The following DENND6A variants were observed in gnomAD, a reference collection of about 807,000 sequenced individuals.
DENND6A encodes the protein DENN domain containing 6A, also known as protein DENND6A.
A neutral mutation model predicts 95.5 loss-of-function variants in DENND6A; 43 were observed. The ratio of observed to expected loss-of-function variants is 0.45; its 90% confidence interval spans 0.35 to 0.58. DENND6A has a LOEUF of 0.58. Ranked by LOEUF, DENND6A falls within the 20% of genes least tolerant of loss-of-function variation. The probability of loss-of-function intolerance (pLI) is 0.00; values close to 1 mark genes in which losing one functional copy is unlikely to be tolerated. For synonymous variants in DENND6A, 257 were observed against 260.4 expected (o/e 0.99, Z 0.13); for missense variants, 574 against 736.0 (o/e 0.78, Z 2.55).
chr3:57,679,033 G>A (rs1483575824), intron 1 of DENND6A, among the ~76,000 whole-genome samples: 1 of 152,246 alleles, frequency 6.6e-6, no homozygotes, highest in Non-Finnish European at 1.5e-5. Context: ...GAATCCAGAA[G>A]GTGGAGGTTG....
intron 1 of DENND6A, among the ~76,000 whole-genome samples, chr3:57,691,788 A>G (rs1237670448): frequency 6.6e-6 from 1 of 152,090 alleles, no homozygotes; most frequent in East Asian, 1.9e-4. Flanking sequence ...GACCTTCAAC[A>G]ACGTCAAGAA....
intron 9 of DENND6A, among the ~76,000 whole-genome samples, chr3:57,655,725 T>C (rs1168438823): frequency 1.3e-5 from 2 of 152,360 alleles, no homozygotes; most frequent in East Asian, 1.9e-4. Context: ...TATCTCATTA[T>C]GTATATGCAA....
At position 57,637,013 on chromosome 3, in the gene DENND6A, C is replaced by A. The variant is rs193078469; in HGVS notation, c.1133-2244G>T. 4.9e-3 allele frequency among the ~76,000 whole-genome samples: 740 copies of A among 150,832 alleles called. 5 individuals carry two copies. Among genetic ancestry groups the A allele is most frequent in the African/African-American group, 0.017 (704 of 41,110 alleles). ...TTGAGTAAAAAGTTAAATACAGAAG[C>A]ATGAACATGTTGCTCAAAGAGTTGC... On this transcript the variant is annotated intron_variant, in intron 12 of 19. Coordinates refer to ENST00000311128, the MANE Select transcript of DENND6A (RefSeq NM_152678.3).
rs1461482176 is a variant in DENND6A at position 57,631,126 on chromosome 3, T to C, written c.1354-148A>G. 4 of 640,080 alleles carry C rather than the reference T, an allele frequency of 6.2e-6. No individual in the cohort carries two copies. In the East Asian group the frequency reaches 8.3e-5, roughly 13 times the overall value. 39.7% of individuals were successfully genotyped at this position (640,080 alleles called of 1,614,324 possible). A position where few individuals can be genotyped will look rare whatever the true frequency, so the allele number is the denominator to read the frequency against. On this transcript the variant is annotated intron_variant, in intron 15 of 19. Coordinates refer to ENST00000311128, the MANE Select transcript of DENND6A (RefSeq NM_152678.3). ...CATCACTCCCCACAAGAGATATAGC[T>C]AAATTTAGACTGACTTGGGAAGTCA...
chr3:57,628,391 G>C, intron 19 of DENND6A, 46 bp from the exon 20 acceptor site: 12 of 1,587,544 alleles, frequency 7.6e-6, no homozygotes, highest in Non-Finnish European at 1.0e-5. Context: ...CTCAGAATCT[G>C]TATTAATACA....
chr3:57,628,020 C>T lies in DENND6A; in HGVS notation c.*194G>A. Reference sequence around the variant, plus strand: ...GTGTTTCAGTATTAAAGTGGAACCACCACAGATATCCACTTTAAAAAGTAA... The same window carrying T: ...GTGTTTCAGTATTAAAGTGGAACCATCACAGATATCCACTTTAAAAAGTAA... On this transcript the variant is annotated 3_prime_UTR_variant, in exon 20 of 20. Transcript: ENST00000311128. The T allele has an allele frequency of 3.1e-6, 2 of 646,146 alleles. No homozygotes were observed. Among genetic ancestry groups the T allele is most frequent in the South Asian group, 5.8e-5 (2 of 34,382 alleles). The allele number at this position is 646,146 out of a possible 1,614,324, so 40.0% of individuals were successfully genotyped here. A position where few individuals can be genotyped will look rare whatever the true frequency, so the allele number is the denominator to read the frequency against.
intron 11 of DENND6A, 80 bp from the exon 12 acceptor site, chr3:57,641,827 T>C (rs896552676): frequency 2.2e-5 from 26 of 1,191,210 alleles, no homozygotes; most frequent in Non-Finnish European, 3.0e-5. Flanking sequence ...GTTTACTTTT[T>C]TTTTCAATGA....
At chr3:57,691,969 C>G (rs866762239) in intron 1 of DENND6A, among the ~76,000 whole-genome samples, 1 of 151,808 alleles carries the variant, frequency 6.6e-6, no homozygotes, top group Non-Finnish European at 1.5e-5. Flanking sequence ...CGGTGGCTCA[C>G]GCATGTAATC....
chr3:57,692,342 G>A (rs1469508236), intron 1 of DENND6A, among the ~76,000 whole-genome samples: 1 of 151,912 alleles, frequency 6.6e-6, no homozygotes, highest in Non-Finnish European at 1.5e-5. Flanking sequence ...AACAGTTACT[G>A]CAAATGACTA....
chr3:57,654,638 A>G, intron 9 of DENND6A: 2 of 985,170 alleles, frequency 2.0e-6, no homozygotes, highest in Non-Finnish European at 2.4e-6. Flanking sequence ...CTGCCCTTCA[A>G]TTCTAATCTC....
chr3:57,646,397 T>C lies in DENND6A; in HGVS notation c.860A>G (p.Glu287Gly). The change falls in exon 10 of 20, where the codon GAG becomes GGG. Residue 287 changes from glutamate to glycine, a missense_variant. Glu to Gly is a moderately conservative substitution (Grantham distance 98, BLOSUM62 -2). This residue lies in a region of DENND6A where 452 missense variants were observed against 630.9 expected (regional missense o/e 0.72). Coordinates refer to ENST00000311128, the MANE Select transcript of DENND6A (RefSeq NM_152678.3). ...AAGGGGCTCCCCCAACAGCACCAGC[T>C]CCCAGAGCATCTGACTATGAAGGAA... is the stretch of plus-strand genomic sequence containing the variant. ...PVFLHSQMLW[E>G]LVLLGEPLVV... is the part of the protein sequence containing the mutation. 6.2e-7 allele frequency: 1 copy of C among 1,614,012 alleles called. No individual in the cohort carries two copies. Among genetic ancestry groups the C allele is most frequent in the Non-Finnish European group, 8.5e-7 (1 of 1,179,986 alleles).
chr3:57,676,764 A>G (rs1239102296), intron 1 of DENND6A, among the ~76,000 whole-genome samples: 3 of 152,162 alleles, frequency 2.0e-5, no homozygotes, highest in Non-Finnish European at 2.9e-5. Context: ...TTCTTCTAAC[A>G]TTTTATGGGC....
chr3:57,676,089 C>T (rs2071704102), intron 1 of DENND6A, among the ~76,000 whole-genome samples: 1 of 151,820 alleles, frequency 6.6e-6, no homozygotes, highest in Non-Finnish European at 1.5e-5. Context: ...AAAAAAAAGT[C>T]CTTCTTGGCC....
intron 4 of DENND6A, among the ~76,000 whole-genome samples, chr3:57,664,158 C>G (rs550935007): frequency 6.6e-6 from 1 of 152,170 alleles, no homozygotes; most frequent in African/African-American, 2.4e-5. Context: ...AAAATTCTAC[C>G]TACAATTTTG....
At chr3:57,641,956 A>G (rs889403345) in intron 11 of DENND6A, among the ~76,000 whole-genome samples, 5 of 152,208 alleles carry the variant, frequency 3.3e-5, no homozygotes, top group Non-Finnish European at 7.3e-5. Context: ...AGCAGCACAC[A>G]GGAAGAAAGA....
intron 1 of DENND6A, among the ~76,000 whole-genome samples, chr3:57,684,693 G>C (rs1047240709): frequency 6.6e-5 from 10 of 152,186 alleles, no homozygotes; most frequent in Non-Finnish European, 1.2e-4. Flanking sequence ...TGAGGTGAGA[G>C]AATTGCTTGA....
chr3:57,628,704 C>CAT, intron 19 of DENND6A, 107 bp downstream of exon 19: 4 of 1,167,674 alleles, frequency 3.4e-6, no homozygotes, highest in Non-Finnish European at 4.9e-6. Context: ...CAAGCCCTCT[C>CAT]ATTTAAAAAG....
intron 1 of DENND6A, among the ~76,000 whole-genome samples, chr3:57,692,066 A>G (rs760614718): frequency 1.4e-4 from 21 of 151,918 alleles, no homozygotes; most frequent in Non-Finnish European, 2.4e-4. Context: ...CCCCGTCTCT[A>G]TTAAAAATAC....
intron 4 of DENND6A, among the ~76,000 whole-genome samples, chr3:57,664,057 A>G (rs950158066): frequency 4.6e-5 from 7 of 152,186 alleles, no homozygotes; most frequent in Non-Finnish European, 5.9e-5. Flanking sequence ...TAACTTACTC[A>G]GCTTACATTC....
Sources: allele counts gnomAD v4.1 joint callset (sites outside exome capture counted in the v4.1 genomes callset), GRCh38; gene constraint gnomAD v4.1.1; regional missense constraint gnomAD v4.1.1; transcripts MANE v1.5; gene names NCBI Gene and HGNC (gene_info 2026-07-23, HGNC 2026-07-21).